Variants in VPS35L observed in about 807,000 individuals in gnomAD.
VPS35L encodes the protein VPS35 endosomal protein sorting factor like.
Under a neutral mutation model 133.0 loss-of-function variants are expected in VPS35L, and 83 were observed. The ratio of observed to expected loss-of-function variants is 0.62; its 90% CI spans 0.52 to 0.75. The LOEUF is 0.75. VPS35L is among the 30% of genes least tolerant of loss of function. The probability of loss-of-function intolerance (pLI) is 0.00; values close to 1 mark genes in which losing one functional copy is unlikely to be tolerated. For synonymous variants in VPS35L, 423 were observed against 449.9 expected, an observed-to-expected ratio of 0.94 and a Z score of 0.76; for missense variants, 1,083 against 1,206.8, an observed-to-expected ratio of 0.90 and a Z score of 1.52.
At chr16:19,618,059 C>T (rs1158413451) in intron 14 of VPS35L, 1 of 134,428 alleles carries the variant, frequency 7.4e-6, no homozygotes, top group Non-Finnish European at 1.5e-5. Flanking sequence ...TGTACTCCAG[C>T]CTGGGCAACA....
intron 12 of VPS35L, among the ~76,000 whole-genome samples, chr16:19,614,676 G>T (rs1972830046): frequency 6.6e-6 from 1 of 152,230 alleles, no homozygotes; most frequent in Non-Finnish European, 1.5e-5. Flanking sequence ...CTCCCAAAGT[G>T]CTGGGATTAC....
intron 26 of VPS35L, among the ~76,000 whole-genome samples, chr16:19,654,760 A>G (rs1050311066): frequency 3.9e-5 from 6 of 152,146 alleles, no homozygotes; most frequent in African/African-American, 1.4e-4. Context: ...TTTACCTGCA[A>G]TACTAGGAAC....
intron 21 of VPS35L, among the ~76,000 whole-genome samples, chr16:19,641,196 C>G (rs144584232): frequency 0.011 from 1,606 of 152,200 alleles, 31 homozygotes; most frequent in African/African-American, 0.035. Flanking sequence ...TCCCGAGTAG[C>G]TGGGATTATA....
chr16:19,636,877 T>C (rs576170374), intron 19 of VPS35L, among the ~76,000 whole-genome samples: 70 of 152,188 alleles, frequency 4.6e-4, no homozygotes, highest in Non-Finnish European at 7.9e-4. Context: ...CTGGGCATTT[T>C]TGAGGCAGAC....
At chr16:19,687,334 G>A (rs1024547777) in intron 28 of VPS35L, among the ~76,000 whole-genome samples, 1 of 152,220 alleles carries the variant, frequency 6.6e-6, no homozygotes, top group Non-Finnish European at 1.5e-5. Context: ...GCAGACATGA[G>A]AAATTCCTTC....
At position 19,572,588 on chromosome 16, in the gene VPS35L, T is replaced by G. The variant is rs1297187802; in HGVS notation, c.286-531T>G. ...GCATTTTAACTCTTTGACATTCTGA[T>G]AGTTGAAAAAGTGGTCTTTTCCAAC... On this transcript the variant is annotated intron_variant, in intron 3 of 30. Coordinates refer to ENST00000417362, the MANE Select transcript of VPS35L (RefSeq NM_020314.7). Among the ~76,000 whole-genome samples the G allele has an allele frequency of 2.6e-5, 4 of 152,226 alleles. No individual in the cohort carries two copies. The East Asian group carries it at 7.7e-4, about 29-fold the overall frequency.
intron 7 of VPS35L, among the ~76,000 whole-genome samples, chr16:19,591,383 TA>T (rs1360335489): frequency 6.6e-6 from 1 of 152,126 alleles, no homozygotes; most frequent in Non-Finnish European, 1.5e-5. Flanking sequence ...TCCTTTTGGA[TA>T]AGGCTTTCCT....
intron 7 of VPS35L, among the ~76,000 whole-genome samples, chr16:19,588,450 C>CG (rs1274584567): frequency 6.6e-6 from 1 of 151,954 alleles, no homozygotes; most frequent in Non-Finnish European, 1.5e-5. Context: ...CCTTGCCCCC[C>CG]GCAAAGTGCT....
intron 27 of VPS35L, among the ~76,000 whole-genome samples, chr16:19,674,137 C>T (rs1308560102): frequency 4.1e-5 from 6 of 147,738 alleles, no homozygotes; most frequent in Non-Finnish European, 3.0e-5. Flanking sequence ...CTAGCATTAA[C>T]AAGACTCCCA....
At chr16:19,606,433 G>T (rs1972540443) in intron 9 of VPS35L, among the ~76,000 whole-genome samples, 1 of 152,154 alleles carries the variant, frequency 6.6e-6, no homozygotes, top group Admixed American at 6.5e-5. Flanking sequence ...AGAGATCTAG[G>T]CTGGAAAGGG....
At chr16:19,678,643 A>G (rs989814755) in intron 27 of VPS35L, among the ~76,000 whole-genome samples, 2 of 151,796 alleles carry the variant, frequency 1.3e-5, no homozygotes, top group South Asian at 4.2e-4. Flanking sequence ...ATGCCCAGCT[A>G]ATTTTTGTAT....
chr16:19,695,230 G>A (rs1290568211), intron 29 of VPS35L, among the ~76,000 whole-genome samples: 6 of 152,198 alleles, frequency 3.9e-5, no homozygotes, highest in East Asian at 1.9e-4. Context: ...TCAAAATTAC[G>A]TGTCTTCATA....
intron 28 of VPS35L, among the ~76,000 whole-genome samples, chr16:19,691,087 T>C (rs2151626005): frequency 6.6e-6 from 1 of 152,314 alleles, no homozygotes; most frequent in East Asian, 1.9e-4. Flanking sequence ...ATTATTATTA[T>C]TAATGTCACC....
At chr16:19,574,332 AT>A (rs1971469896) in intron 4 of VPS35L, among the ~76,000 whole-genome samples, 1 of 152,082 alleles carries the variant, frequency 6.6e-6, no homozygotes, top group African/African-American at 2.4e-5. Flanking sequence ...GCCCCCTCCC[AT>A]TTAGGAAGAC....
At position 19,700,811 on chromosome 16, in the gene VPS35L, T is replaced by C. The variant is rs1054404144; in HGVS notation, c.*335T>C. ...ATCTTTCTTCTCTGGAAGGTGTTTG[T>C]TTTTTCATAGTTTAGAAATAAGGAC... On this transcript the variant is annotated 3_prime_UTR_variant, in exon 31 of 31. Coordinates refer to ENST00000417362, the MANE Select transcript of VPS35L (RefSeq NM_020314.7). The C allele has an allele frequency of 7.8e-6, 2 of 257,640 alleles. No homozygotes were observed. The highest frequency in any genetic ancestry group is 4.4e-5 in the African/African-American group (2 of 45,552). The allele number at this position is 257,640 out of a possible 1,614,324, so 16.0% of individuals were successfully genotyped here. A position where few individuals can be genotyped will look rare whatever the true frequency, so the allele number is the denominator to read the frequency against.
Position 19,601,650 on chromosome 16 carries a change from C to T in VPS35L, c.725-14C>T, listed in dbSNP as rs781173566. 4 of 1,613,746 alleles carry T rather than the reference C, an allele frequency of 2.5e-6. No homozygotes were observed. The Admixed American group carries it at 5.0e-5, about 20-fold the overall frequency. ...AGAGTGTGATACTAACACCATCTGT[C>T]CTTTTCCTCCCAGGAAAGCTCGTGT... is the stretch of plus-strand genomic sequence containing the variant. On this transcript the variant is annotated splice_polypyrimidine_tract_variant and intron_variant, in intron 8 of 30. Transcript: ENST00000417362.
intron 14 of VPS35L, among the ~76,000 whole-genome samples, chr16:19,623,518 C>T (rs1024950857): frequency 5.9e-5 from 9 of 151,912 alleles, no homozygotes; most frequent in Non-Finnish European, 8.8e-5. Flanking sequence ...TAATTCAGTC[C>T]GTGACAGAAG....
intron 18 of VPS35L, among the ~76,000 whole-genome samples, chr16:19,631,491 T>C (rs1231800403): frequency 6.6e-6 from 1 of 152,206 alleles, no homozygotes; most frequent in Non-Finnish European, 1.5e-5. Flanking sequence ...TTTGTGGTTT[T>C]TTTTGGTCCT....
rs188470819 is a variant in VPS35L, at chr16:19,663,107, C to T, written c.2222-6053C>T. Among the ~76,000 whole-genome samples, 52 of 152,034 alleles carry T rather than the reference C, an allele frequency of 3.4e-4. No homozygotes were observed. The East Asian group carries it at 9.1e-3, about 27-fold the overall frequency. On this transcript the variant is annotated intron_variant, in intron 26 of 30. Coordinates refer to ENST00000417362, the MANE Select transcript of VPS35L (RefSeq NM_020314.7). Reference sequence around the variant, plus strand: ...GGCAGATCACCTGAGTTCAGGAGTTCGAGATCAGCCTGACCAACATGGAGA... The same window carrying T: ...GGCAGATCACCTGAGTTCAGGAGTTTGAGATCAGCCTGACCAACATGGAGA...
Sources: allele counts gnomAD v4.1 joint callset (sites outside exome capture counted in the v4.1 genomes callset), GRCh38; gene constraint gnomAD v4.1.1; transcripts MANE v1.5; gene names NCBI Gene and HGNC (gene_info 2026-07-23, HGNC 2026-07-21).